PCDHGC3: variants seen among roughly 807,000 people sequenced by gnomAD.
PCDHGC3 encodes protocadherin gamma subfamily C, 3, also known as protocadherin gamma-C3.
Under a neutral mutation model 59.2 loss-of-function variants are expected in PCDHGC3, and 26 were observed. The observed-to-expected ratio is 0.44, with a 90% CI of 0.32 to 0.61. PCDHGC3 has a LOEUF of 0.61. Among genes scored for constraint, PCDHGC3 ranks in the 20% least tolerant of loss-of-function variants. PCDHGC3 has a pLI of 0.05. For synonymous variants in PCDHGC3, 487 were observed against 519.7 expected, an observed-to-expected ratio of 0.94 and a Z score of 0.86; for missense variants, 1,080 against 1,221.8, an observed-to-expected ratio of 0.88 and a Z score of 1.73.
rs1460703461 is a variant in PCDHGC3 at position 141,490,596 on chromosome 5, C to G, written c.2431-4211C>G. 2.5e-6 allele frequency: 4 copies of G among 1,614,052 alleles called. No homozygotes were observed. The African/African-American group carries it at 4.0e-5, about 16-fold the overall frequency. On this transcript the variant is annotated intron_variant, in intron 1 of 3. Transcript: ENST00000308177. The surrounding 1 kb of genome is among the most constrained non-coding windows in gnomAD (Gnocchi z 5.4). Reference sequence around the variant, plus strand: ...TTTCAGATGTCAATGACAATGCACCCCGCTTCAACCAGCAGCTTTACACTG... The same window carrying G: ...TTTCAGATGTCAATGACAATGCACCGCGCTTCAACCAGCAGCTTTACACTG...
Position 141,478,498 on chromosome 5 carries a change from G to A in PCDHGC3, c.2382G>A (p.Pro794=). 5.0e-6 allele frequency: 8 copies of A among 1,612,712 alleles called. No individual in the cohort carries two copies. Among genetic ancestry groups the A allele is most frequent in the South Asian group, 1.1e-5 (1 of 90,986 alleles). The change falls in exon 1 of 4, where the codon CCG becomes CCA. Residue 794 remains proline (P), a synonymous_variant. Transcript: ENST00000308177. ...SRQNTLRSCD[P]VFYRQVLGAE... ...AGAACACGCTGCGGAGCTGTGATCC[G>A]GTGTTCTATAGGCAGGTGTTGGGTG...
chr5:141,491,022 C>T lies in PCDHGC3; in HGVS notation c.2431-3785C>T, dbSNP rs1431293281. 6.8e-6 allele frequency: 11 copies of T among 1,614,116 alleles called. No homozygotes were observed. Among genetic ancestry groups the T allele is most frequent in the East Asian group, 2.2e-5 (1 of 44,886 alleles). On this transcript the variant is annotated intron_variant, in intron 1 of 3. Coordinates refer to ENST00000308177, the MANE Select transcript of PCDHGC3 (RefSeq NM_002588.4). The surrounding 1 kb of genome is among the most constrained non-coding windows in gnomAD (Gnocchi z 6.9). ...GCTCCTTGGTCACCAAGGTGACAGCCGTGGATGCTGATGCAGGCCACAATG... is the reference window on the plus strand; with the variant it reads ...GCTCCTTGGTCACCAAGGTGACAGCTGTGGATGCTGATGCAGGCCACAATG...
Position 141,491,215 on chromosome 5 carries a change from A to G in PCDHGC3, c.2431-3592A>G, listed in dbSNP as rs546893944. 2.5e-6 allele frequency: 4 copies of G among 1,614,196 alleles called. No individual in the cohort carries two copies. Among genetic ancestry groups the G allele is most frequent in the Non-Finnish European group, 3.4e-6 (4 of 1,180,036 alleles). On this transcript the variant is annotated intron_variant, in intron 1 of 3. Coordinates refer to ENST00000308177, the MANE Select transcript of PCDHGC3 (RefSeq NM_002588.4). This position sits in a 1 kb window ranked among gnomAD's most constrained non-coding sequence, Gnocchi z 6.9. ...CAATGGTGACCCTTCACTCTCCTCC[A>G]CAGCCACAGTGCTGCTGGTTCTGGA...
At chr5:141,508,408 C>T (rs938019804) in intron 3 of PCDHGC3, 1 of 152,180 alleles carries the variant, frequency 6.6e-6, no homozygotes, top group Non-Finnish European at 1.5e-5. Context: ...GCTTGAGCCA[C>T]GCAGAGACTT....
intron 2 of PCDHGC3, among the ~76,000 whole-genome samples, chr5:141,501,290 T>TACACACACACACAC (rs55762287): frequency 7.3e-6 from 1 of 136,164 alleles, no homozygotes; most frequent in Non-Finnish European, 1.6e-5. Context: ...TATTCCCTTA[T>TACACACACACACAC]ACACACACAC....
At chr5:141,504,817 G>T in intron 2 of PCDHGC3, among the ~76,000 whole-genome samples, 1 of 151,940 alleles carries the variant, frequency 6.6e-6, no homozygotes, top group East Asian at 1.9e-4. Flanking sequence ...TACCTCCTAG[G>T]TCCCCACTTT....
chr5:141,507,736 G>A (rs1562231670), intron 3 of PCDHGC3, among the ~76,000 whole-genome samples: 1 of 152,240 alleles, frequency 6.6e-6, no homozygotes. Flanking sequence ...CATGCAGCTC[G>A]TTCCCCTGTC....
intron 1 of PCDHGC3, among the ~76,000 whole-genome samples, chr5:141,480,106 A>C (rs1466691134): frequency 6.6e-6 from 1 of 152,196 alleles, no homozygotes; most frequent in Non-Finnish European, 1.5e-5. Context: ...AGTGTTTAGC[A>C]TGGTGCCTGG....
chr5:141,487,041 G>T lies in PCDHGC3; in HGVS notation c.2431-7766G>T, dbSNP rs149314216. Reference sequence around the variant, plus strand: ...GATCCCAGCCTGTTTGCAGTCTCTCGATATGCTGGGGAGGTGCGGACGGCT... The same window carrying T: ...GATCCCAGCCTGTTTGCAGTCTCTCTATATGCTGGGGAGGTGCGGACGGCT... On this transcript the variant is annotated intron_variant, in intron 1 of 3. Transcript: ENST00000308177. This position sits in a 1 kb window ranked among gnomAD's most constrained non-coding sequence, Gnocchi z 5.0. 6.2e-7 allele frequency: 1 copy of T among 1,614,132 alleles called. No homozygotes were observed. The highest frequency in any genetic ancestry group is 8.5e-7 in the Non-Finnish European group (1 of 1,180,030).
chr5:141,489,300 C>G lies in PCDHGC3; in HGVS notation c.2431-5507C>G. The G allele has an allele frequency of 6.3e-7, 1 of 1,585,700 alleles. No individual in the cohort carries two copies. The highest frequency in any genetic ancestry group is 1.2e-5 in the South Asian group (1 of 85,012). Reference sequence around the variant, plus strand: ...AATGGCAAGTGCTGTGCATGTTGTCCTTGTGCTGCTGGGGCTGGGTGTCTG... The same window carrying G: ...AATGGCAAGTGCTGTGCATGTTGTCGTTGTGCTGCTGGGGCTGGGTGTCTG... On this transcript the variant is annotated intron_variant, in intron 1 of 3. Coordinates refer to ENST00000308177, the MANE Select transcript of PCDHGC3 (RefSeq NM_002588.4). This position sits in a 1 kb window ranked among gnomAD's most constrained non-coding sequence, Gnocchi z 4.5.
At chr5:141,497,223 T>G (rs921763195) in intron 2 of PCDHGC3, among the ~76,000 whole-genome samples, 14 of 151,762 alleles carry the variant, frequency 9.2e-5, no homozygotes, top group African/African-American at 3.4e-4. Context: ...GGGGGGAAGA[T>G]CAGAGAAGGC....
At chr5:141,496,285 A>G (rs1003747820) in intron 2 of PCDHGC3, among the ~76,000 whole-genome samples, 1 of 152,210 alleles carries the variant, frequency 6.6e-6, no homozygotes, top group Non-Finnish European at 1.5e-5. Flanking sequence ...AGTTGGTCTG[A>G]GCAGAGTGGG....
In PCDHGC3 at chr5:141,512,133, G is replaced by A. The variant is rs1394116556; in HGVS notation, c.*960G>A. ...CCACTACATAATAGGGCTCAGCCCA[G>A]GCAGCCAGCTTTGGGCTGAGCTAAC... On this transcript the variant is annotated 3_prime_UTR_variant, in exon 4 of 4. Coordinates refer to ENST00000308177, the MANE Select transcript of PCDHGC3 (RefSeq NM_002588.4). 3 of 152,708 alleles carry A rather than the reference G, an allele frequency of 2.0e-5. No homozygotes were observed. Among genetic ancestry groups the A allele is most frequent in the Non-Finnish European group, 2.9e-5 (2 of 68,102 alleles). 9.5% of individuals were successfully genotyped at this position (152,708 alleles called of 1,614,324 possible).
At position 141,490,479 on chromosome 5, in the gene PCDHGC3, C is replaced by T; in HGVS notation, c.2431-4328C>T. 11 of 1,614,216 alleles carry T rather than the reference C, an allele frequency of 6.8e-6. No homozygotes were observed. Among genetic ancestry groups the T allele is most frequent in the Non-Finnish European group, 9.3e-6 (11 of 1,180,032 alleles). ...CGCTGCTAACCAGCCAGCCTTTGGACCGGGAGGCCACATCCCACTATATCA... is the reference window on the plus strand; with the variant it reads ...CGCTGCTAACCAGCCAGCCTTTGGATCGGGAGGCCACATCCCACTATATCA... On this transcript the variant is annotated intron_variant, in intron 1 of 3. Coordinates refer to ENST00000308177, the MANE Select transcript of PCDHGC3 (RefSeq NM_002588.4). This position sits in a 1 kb window ranked among gnomAD's most constrained non-coding sequence, Gnocchi z 5.4.
rs1303365585 is a variant in PCDHGC3 at position 141,511,350 on chromosome 5, C to A, written c.*177C>A. 2.1e-5 allele frequency: 30 copies of A among 1,397,076 alleles called. No individual in the cohort carries two copies. Among genetic ancestry groups the A allele is most frequent in the African/African-American group, 1.7e-4 (12 of 68,780 alleles). The allele number at this position is 1,397,076 out of a possible 1,614,324, so 86.5% of individuals were successfully genotyped here. Reference sequence around the variant, plus strand: ...CCCAGTCAGCACCTACCCCTTCCCCCCCAGGGGGTTGAATATGCAAAAGCA... The same window carrying A: ...CCCAGTCAGCACCTACCCCTTCCCCACCAGGGGGTTGAATATGCAAAAGCA... On this transcript the variant is annotated 3_prime_UTR_variant, in exon 4 of 4. Transcript: ENST00000308177.
At position 141,511,108 on chromosome 5, in the gene PCDHGC3, G is replaced by A; in HGVS notation, c.2740G>A (p.Asp914Asn). The A allele has an allele frequency of 6.2e-7, 1 of 1,614,244 alleles. No homozygotes were observed. The highest frequency in any genetic ancestry group is 2.2e-5 in the East Asian group (1 of 44,882). Residue 914 changes from aspartate (D) to asparagine (N), a missense_variant, in exon 4 of 4, where the codon GAT (aspartate) becomes AAT (asparagine). Physicochemically the swap from Asp to Asn is conservative, Grantham distance 23. Coordinates refer to ENST00000308177, the MANE Select transcript of PCDHGC3 (RefSeq NM_002588.4). ...ATLTNAAGKR[D>N]GKAPAGGNGN... Reference sequence around the variant, plus strand: ...ACTGACCAACGCAGCTGGCAAGCGGGATGGCAAGGCCCCAGCAGGTGGCAA... The same window carrying A: ...ACTGACCAACGCAGCTGGCAAGCGGAATGGCAAGGCCCCAGCAGGTGGCAA...
Position 141,487,463 on chromosome 5 carries a change from G to T in PCDHGC3, c.2431-7344G>T, listed in dbSNP as rs754798527. 1 of 1,614,136 alleles carries T rather than the reference G, an allele frequency of 6.2e-7. No homozygotes were observed. The highest frequency in any genetic ancestry group is 1.7e-5 in the Admixed American group (1 of 60,016). ...GTCAGATGACCCTATCAAGTTTGTT[G>T]ATGTGGGAGGCCACTCTCATGGCTG... On this transcript the variant is annotated intron_variant, in intron 1 of 3. Coordinates refer to ENST00000308177, the MANE Select transcript of PCDHGC3 (RefSeq NM_002588.4). The surrounding 1 kb of genome is among the most constrained non-coding windows in gnomAD (Gnocchi z 5.0).
In PCDHGC3 at chr5:141,511,224, G is replaced by T. The variant is rs752401867; in HGVS notation, c.*51G>T. On this transcript the variant is annotated 3_prime_UTR_variant, in exon 4 of 4. Coordinates refer to ENST00000308177, the MANE Select transcript of PCDHGC3 (RefSeq NM_002588.4). ...GGGCGGCCTCTCCCCAACCAGCCCA[G>T]CTTCTCCTTACCTGCACCCAGGCCT... is the stretch of plus-strand genomic sequence containing the variant. 44 of 1,603,158 alleles carry T rather than the reference G, an allele frequency of 2.7e-5. No individual in the cohort carries two copies. Among genetic ancestry groups the T allele is most frequent in the Non-Finnish European group, 3.6e-5 (42 of 1,174,924 alleles).
chr5:141,491,602 A>T lies in PCDHGC3; in HGVS notation c.2431-3205A>T. On this transcript the variant is annotated intron_variant, in intron 1 of 3. Transcript: ENST00000308177. The surrounding 1 kb of genome is among the most constrained non-coding windows in gnomAD (Gnocchi z 6.9). ...ACCGGCCTCGGACGGCAGTGACTTC[A>T]CTTTTCTAAGACCCCTCAGCGTTCA... is the stretch of plus-strand genomic sequence containing the variant. The T allele has an allele frequency of 6.2e-7, 1 of 1,613,838 alleles. No individual in the cohort carries two copies. Among genetic ancestry groups the T allele is most frequent in the Non-Finnish European group, 8.5e-7 (1 of 1,180,016 alleles).
Sources: allele counts gnomAD v4.1 joint callset (sites outside exome capture counted in the v4.1 genomes callset), GRCh38; gene constraint gnomAD v4.1.1; non-coding constraint Gnocchi (gnomAD v3.1); transcripts MANE v1.5; gene names NCBI Gene and HGNC (gene_info 2026-07-23, HGNC 2026-07-21).